The following ADGRA1 variants were observed in gnomAD, a reference collection of about 807,000 sequenced individuals.
ADGRA1 encodes the protein G-protein coupled receptor 123.
Under a neutral mutation model 21.3 loss-of-function variants are expected in ADGRA1, and 12 were observed. The ratio of observed to expected loss-of-function variants is 0.56; its 90% CI spans 0.36 to 0.91. The LOEUF is 0.91. Among genes scored for constraint, ADGRA1 ranks in the 40% least tolerant of loss-of-function variants. The pLI is 0.01. For missense variants in ADGRA1, 790 were observed against 805.6 expected (o/e 0.98, Z 0.23); for synonymous variants, 385 against 368.8 (o/e 1.04, Z -0.50).
chr10:133,125,422 TTTTG>T (rs575229909), intron 5 of ADGRA1, among the ~76,000 whole-genome samples: 7 of 152,166 alleles, frequency 4.6e-5, no homozygotes, highest in Admixed American at 6.5e-5. Context: ...GTTTTAATGT[TTTTG>T]TTTGTTTGTT....
intron 5 of ADGRA1, among the ~76,000 whole-genome samples, chr10:133,117,292 A>G (rs1322200284): frequency 4.6e-5 from 7 of 152,102 alleles, no homozygotes; most frequent in African/African-American, 1.7e-4. Context: ...CCTGGGCCCG[A>G]GACCCGAGAC....
At position 133,130,706 on chromosome 10, in the gene ADGRA1, T is replaced by A. The variant is rs1283703058; in HGVS notation, c.*1195T>A. On this transcript the variant is annotated 3_prime_UTR_variant, in exon 7 of 7. Coordinates refer to ENST00000392607, the MANE Select transcript of ADGRA1 (RefSeq NM_001083909.3). ...ACACATGCACACACACAAACACATGTGCATATCACACACGCGCACACACCC... is the reference window on the plus strand; with the variant it reads ...ACACATGCACACACACAAACACATGAGCATATCACACACGCGCACACACCC... 1.3e-5 allele frequency: 2 copies of A among 150,380 alleles called. No individual in the cohort carries two copies. The highest frequency in any genetic ancestry group is 3.0e-5 in the Non-Finnish European group (2 of 67,768). The allele number at this position is 150,380 out of a possible 1,614,324, so 9.3% of individuals were successfully genotyped here.
In ADGRA1 at chr10:133,121,455, A is replaced by T. The variant is rs1171675379; in HGVS notation, c.402-5778A>T. Among the ~76,000 whole-genome samples, 12 of 96,956 alleles carry T rather than the reference A, an allele frequency of 1.2e-4. No homozygotes were observed. In the East Asian group the frequency reaches 2.8e-3, roughly 23 times the overall value. The allele number at this position is 96,956 out of a possible 152,430, so 63.6% of individuals were successfully genotyped here. On this transcript the variant is annotated intron_variant, in intron 5 of 6. Transcript: ENST00000392607. ...AGTGTGCGTGTGTGCGTGTGCGTGG[A>T]GTGTGTCAGTGTGCGTGTGTGCATG...
intron 5 of ADGRA1, among the ~76,000 whole-genome samples, chr10:133,114,971 T>C (rs891375326): frequency 1.3e-5 from 2 of 152,162 alleles, no homozygotes; most frequent in Non-Finnish European, 2.9e-5. Context: ...CTGTGAAAAA[T>C]GACCTCAGTG....
chr10:133,090,603 C>T (rs935568491), intron 2 of ADGRA1, among the ~76,000 whole-genome samples: 10 of 152,278 alleles, frequency 6.6e-5, no homozygotes, highest in Middle Eastern at 3.4e-3. Context: ...AAGTTCACAG[C>T]GTAGATACCT....
chr10:133,122,154 A>G (rs972628745), intron 5 of ADGRA1, among the ~76,000 whole-genome samples: 2 of 152,226 alleles, frequency 1.3e-5, no homozygotes, highest in Admixed American at 6.5e-5. Flanking sequence ...AGTGCTGCTC[A>G]CCTGAGCCCA....
At position 133,088,732 on chromosome 10, in the gene ADGRA1, C is replaced by CA. The variant is rs1260397759; in HGVS notation, c.-178_-177insA. 8.1e-7 allele frequency: 1 copy of CA among 1,230,218 alleles called. No individual in the cohort carries two copies. The highest frequency in any genetic ancestry group is 1.0e-6 in the Non-Finnish European group (1 of 987,418). The allele number at this position is 1,230,218 out of a possible 1,614,324, so 76.2% of individuals were successfully genotyped here. On this transcript the variant is annotated 5_prime_UTR_variant, in exon 2 of 7. An upstream open reading frame in the 5' UTR loses its in-frame stop. Transcript: ENST00000392607. ...GATGGGAGCAGCTCCCGGACTGCGC[C>CA]CGCCCCGCCGCGGTCACCCTGAGGC...
At chr10:133,124,033 G>A (rs373490693) in intron 5 of ADGRA1, among the ~76,000 whole-genome samples, 76 of 152,316 alleles carry the variant, frequency 5.0e-4, no homozygotes, top group African/African-American at 1.5e-3. Flanking sequence ...TCTCCTGTGC[G>A]ATGCTCATCT....
At chr10:133,113,036 G>C (rs1375439891) in intron 5 of ADGRA1, among the ~76,000 whole-genome samples, 1 of 142,604 alleles carries the variant, frequency 7.0e-6, no homozygotes, top group Non-Finnish European at 1.6e-5. Context: ...GGCCGCGTCA[G>C]TTATTTGGGG....
chr10:133,113,143 ACGTCGGTTATTTGAGGTCTGTAAGCCG>A (rs751069108), intron 5 of ADGRA1, among the ~76,000 whole-genome samples: 53,073 of 120,288 alleles, frequency 0.44, 9,687 homozygotes, highest in East Asian at 0.51. Flanking sequence ...TCTGTGGGCC[ACGTCGGTTATTTGAGGTCTGTAAGCCG>A]CGTCGGTTAT....
intron 5 of ADGRA1, among the ~76,000 whole-genome samples, chr10:133,116,094 G>T (rs1372588720): frequency 6.6e-6 from 1 of 150,710 alleles, no homozygotes; most frequent in African/African-American, 2.4e-5. Context: ...ACGCATGCCT[G>T]GCCCACCCAC....
intron 5 of ADGRA1, among the ~76,000 whole-genome samples, chr10:133,125,857 G>A (rs1040183760): frequency 3.9e-5 from 6 of 152,176 alleles, no homozygotes; most frequent in Non-Finnish European, 5.9e-5. Flanking sequence ...ATATAGGACC[G>A]TTTCCTGCCT....
chr10:133,098,810 G>T (rs11101916), intron 4 of ADGRA1, 47 bp downstream of exon 4: 1 of 1,577,668 alleles, frequency 6.3e-7, no homozygotes, highest in Non-Finnish European at 8.6e-7. Context: ...GGGGAACTGC[G>T]TGAGCGTCGT....
chr10:133,107,539 A>T (rs1851915365), intron 5 of ADGRA1, among the ~76,000 whole-genome samples: 1 of 151,990 alleles, frequency 6.6e-6, no homozygotes, highest in Non-Finnish European at 1.5e-5. Flanking sequence ...TTCTGTTAGC[A>T]TTGGATTTAG....
intron 2 of ADGRA1, among the ~76,000 whole-genome samples, chr10:133,096,341 A>G (rs1262783289): frequency 2.0e-5 from 3 of 152,142 alleles, no homozygotes; most frequent in Non-Finnish European, 4.4e-5. Context: ...ATTTTCCCCC[A>G]GTCTACTCTG....
rs573244618 is a variant in ADGRA1, at chr10:133,128,447, C to T, written c.619C>T (p.Arg207Cys). ...CGTGCAGCTGCGGCGCCACCCAGGG[C>T]GCAGGTACGAGCTGCGCACACAGCC... ...TYVQLRRHPG[R>C]RYELRTQPEE... The change falls in exon 7 of 7, where the codon CGC becomes TGC. Residue 207 changes from arginine (R) to cysteine (C), a missense_variant. By Grantham distance (180) the Arg-to-Cys change is radical (BLOSUM62 -3). Coordinates refer to ENST00000392607, the MANE Select transcript of ADGRA1 (RefSeq NM_001083909.3). 6.2e-6 allele frequency: 10 copies of T among 1,600,914 alleles called. No individual in the cohort carries two copies. Among genetic ancestry groups the T allele is most frequent in the Middle Eastern group, 1.7e-4 (1 of 5,918 alleles).
At chr10:133,104,081 G>T (rs1029658507) in intron 5 of ADGRA1, among the ~76,000 whole-genome samples, 1 of 152,254 alleles carries the variant, frequency 6.6e-6, no homozygotes, top group Non-Finnish European at 1.5e-5. Context: ...GTCCGGCACT[G>T]TCCCGTCCAA....
chr10:133,102,553 G>A (rs1234307619), intron 4 of ADGRA1, 144 bp from the exon 5 acceptor site: 1 of 922,030 alleles, frequency 1.1e-6, no homozygotes. Context: ...GGCGGCTGTG[G>A]GGCGGCCGCT....
intron 5 of ADGRA1, among the ~76,000 whole-genome samples, chr10:133,125,838 C>G (rs1353277482): frequency 6.6e-6 from 1 of 152,194 alleles, no homozygotes; most frequent in African/African-American, 2.4e-5. Context: ...TTACAGAAAA[C>G]TTGAGACTAT....
Sources: gnomAD v4.1 joint callset for allele counts (sites outside exome capture counted in the v4.1 genomes callset) on GRCh38, gnomAD v4.1.1 for gene constraint, MANE v1.5 for transcripts, NCBI Gene and HGNC (gene_info 2026-07-23, HGNC 2026-07-21) for gene names.